PXDNL: variants seen among roughly 807,000 people sequenced by gnomAD.
PXDNL encodes probable oxidoreductase PXDNL.
PXDNL carries 145 observed loss-of-function variants against 150.8 expected under a neutral mutation model. The ratio of observed to expected loss-of-function variants is 0.96; its 90% CI spans 0.84 to 1.10. The LOEUF (loss-of-function observed/expected upper bound fraction) is 1.10. Among genes scored for constraint, PXDNL ranks in the 50% least tolerant of loss-of-function variants. PXDNL has a pLI of 0.00. For synonymous variants in PXDNL, 757 were observed against 725.7 expected (o/e 1.04, Z -0.69); for missense variants, 2,087 against 1,873.9 (o/e 1.11, Z -2.10).
chr8:51,509,741 T>TATACAC (rs536341095), intron 4 of PXDNL, among the ~76,000 whole-genome samples: 1 of 143,248 alleles, frequency 7.0e-6, no homozygotes, highest in African/African-American at 2.6e-5. Context: ...TATACATATA[T>TATACAC]ACACACACAC....
intron 17 of PXDNL, among the ~76,000 whole-genome samples, chr8:51,377,999 C>G (rs1807395375): frequency 6.6e-6 from 1 of 152,340 alleles, no homozygotes; most frequent in African/African-American, 2.4e-5. Context: ...CTAGTGGGGA[C>G]TTGGAGAACC....
At position 51,345,954 on chromosome 8, in the gene PXDNL, G is replaced by A. The variant is rs1291767833; in HGVS notation, c.3902-7C>T. On this transcript the variant is annotated splice_polypyrimidine_tract_variant and splice_region_variant and intron_variant, in intron 19 of 22. Transcript: ENST00000356297. The stretch of plus-strand genomic sequence containing the variant: ...TGTCCTCTACTCCTACAGTCTGTGG[G>A]GAAAGAAGTAACCACAATAGCATCA... 10 of 1,555,884 alleles carry A rather than the reference G, an allele frequency of 6.4e-6. No homozygotes were observed. The highest frequency in any genetic ancestry group is 8.9e-6 in the Non-Finnish European group (10 of 1,127,280).
At chr8:51,764,455 C>G (rs2037203390) in intron 1 of PXDNL, among the ~76,000 whole-genome samples, 1 of 150,060 alleles carries the variant, frequency 6.7e-6, no homozygotes, top group Non-Finnish European at 1.5e-5. Context: ...CTCCAAATAT[C>G]TCTCTGGCCA....
intron 3 of PXDNL, among the ~76,000 whole-genome samples, chr8:51,577,750 C>T (rs1813089657): frequency 6.7e-6 from 1 of 150,162 alleles, no homozygotes; most frequent in African/African-American, 2.4e-5. Flanking sequence ...AAGAGTTTGA[C>T]AAAAAACCTA....
chr8:51,708,561 AGTACAGG>A (rs1255756500), intron 1 of PXDNL, among the ~76,000 whole-genome samples: 1 of 152,236 alleles, frequency 6.6e-6, no homozygotes, highest in East Asian at 1.9e-4. Context: ...AGCAATGTGG[AGTACAGG>A]CTGAAATTCA....
At chr8:51,431,319 CT>C (rs1809240901) in intron 12 of PXDNL, among the ~76,000 whole-genome samples, 1 of 152,206 alleles carries the variant, frequency 6.6e-6, no homozygotes, top group Non-Finnish European at 1.5e-5. Flanking sequence ...ATCTCCACTG[CT>C]GTCTCTTTAC....
intron 17 of PXDNL, among the ~76,000 whole-genome samples, chr8:51,392,225 C>A (rs1807933038): frequency 6.6e-6 from 1 of 152,114 alleles, no homozygotes; most frequent in African/African-American, 2.4e-5. Flanking sequence ...GATGTGGGCT[C>A]TTTTTTGGTT....
chr8:51,562,400 G>A (rs2130562366), intron 3 of PXDNL, among the ~76,000 whole-genome samples: 1 of 151,976 alleles, frequency 6.6e-6, no homozygotes, highest in East Asian at 1.9e-4. Flanking sequence ...AATATTATGT[G>A]AAATTTATAG....
chr8:51,694,869 A>G (rs1169261800), intron 1 of PXDNL, among the ~76,000 whole-genome samples: 2 of 152,228 alleles, frequency 1.3e-5, no homozygotes, highest in Non-Finnish European at 2.9e-5. Context: ...AAATCTTATG[A>G]TGTTTTATGG....
intron 2 of PXDNL, among the ~76,000 whole-genome samples, chr8:51,640,936 G>C (rs181495343): frequency 0.073 from 11,071 of 151,958 alleles, 1,342 homozygotes; most frequent in African/African-American, 0.25. Flanking sequence ...GAGGCATCAC[G>C]CTACCTGACT....
Position 51,407,942 on chromosome 8 carries a change from C to A in PXDNL, c.3557+125G>T, listed in dbSNP as rs554827317. The A allele has an allele frequency of 2.9e-5, 22 of 751,908 alleles. No homozygotes were observed. In the East Asian group the frequency reaches 6.0e-4, roughly 20 times the overall value. 46.6% of individuals were successfully genotyped at this position (751,908 alleles called of 1,614,324 possible). On this transcript the variant is annotated intron_variant, in intron 17 of 22. Coordinates refer to ENST00000356297, the MANE Select transcript of PXDNL (RefSeq NM_144651.5). ...TTCCTTTAATATTAAACCTCTCCAA[C>A]AATAACAAGTACTAAAAGCTCTGCA...
At chr8:51,519,476 C>G (rs35511780) in intron 4 of PXDNL, among the ~76,000 whole-genome samples, 28,709 of 151,660 alleles carry the variant, frequency 0.19, 3,154 homozygotes, top group African/African-American at 0.3. Flanking sequence ...GAGGTTGCAG[C>G]GAGCAGACTT....
intron 14 of PXDNL, 73 bp from the exon 15 acceptor site, chr8:51,413,331 AT>A: frequency 2.3e-5 from 19 of 835,176 alleles, no homozygotes; most frequent in Non-Finnish European, 2.0e-6. Context: ...TATGAATGGC[AT>A]TACATTTTTA....
chr8:51,401,756 C>A (rs1309028485), intron 17 of PXDNL, among the ~76,000 whole-genome samples: 1 of 152,176 alleles, frequency 6.6e-6, no homozygotes, highest in African/African-American at 2.4e-5. Context: ...ATTTTTCTCT[C>A]TTTGCTGTAT....
chr8:51,690,946 C>A (rs1021263726), intron 1 of PXDNL, among the ~76,000 whole-genome samples: 2 of 151,962 alleles, frequency 1.3e-5, no homozygotes, highest in South Asian at 2.1e-4. Context: ...TTTCATGTGT[C>A]TTTTGGCTGC....
At chr8:51,643,581 A>G (rs1289256776) in intron 2 of PXDNL, among the ~76,000 whole-genome samples, 4 of 152,234 alleles carry the variant, frequency 2.6e-5, no homozygotes, top group African/African-American at 4.8e-5. Context: ...ACCTAAAACC[A>G]TAAAAACCCT....
At chr8:51,510,155 A>C (rs1811382492) in intron 4 of PXDNL, among the ~76,000 whole-genome samples, 1 of 152,186 alleles carries the variant, frequency 6.6e-6, no homozygotes, top group Admixed American at 6.5e-5. Flanking sequence ...ATTGGATCTA[A>C]GGCAAGAAAG....
At chr8:51,699,611 G>A (rs562762345) in intron 1 of PXDNL, among the ~76,000 whole-genome samples, 6 of 152,238 alleles carry the variant, frequency 3.9e-5, no homozygotes, top group South Asian at 4.1e-4. Flanking sequence ...TTGGCTGTTC[G>A]GCACAAGAGG....
intron 1 of PXDNL, among the ~76,000 whole-genome samples, chr8:51,743,956 G>A (rs368885609): frequency 0.061 from 728 of 11,838 alleles, 32 homozygotes; most frequent in African/African-American, 0.085. Flanking sequence ...AAGAGAGAAA[G>A]AAAAAAGAGA....
Sources: gnomAD v4.1 joint callset for allele counts (sites outside exome capture counted in the v4.1 genomes callset) on GRCh38, gnomAD v4.1.1 for gene constraint, MANE v1.5 for transcripts, NCBI Gene and HGNC (gene_info 2026-07-23, HGNC 2026-07-21) for gene names.